SGCD: variants seen among roughly 807,000 people sequenced by gnomAD.
SGCD encodes sarcoglycan delta.
Under a neutral mutation model 36.6 loss-of-function variants are expected in SGCD, and 18 were observed. That is an observed-to-expected ratio of 0.49 (90% confidence interval 0.34 to 0.73). The LOEUF (loss-of-function observed/expected upper bound fraction) is 0.73. Among genes scored for constraint, SGCD ranks in the 30% least tolerant of loss-of-function variants. The pLI, the probability that SGCD is intolerant of heterozygous loss-of-function variation, is 0.01. For synonymous variants in SGCD, 133 were observed against 130.6 expected, an observed-to-expected ratio of 1.02 and a Z score of -0.12; for missense variants, 387 against 346.7, an observed-to-expected ratio of 1.12 and a Z score of -0.92.
intron 1 of SGCD, among the ~76,000 whole-genome samples, chr5:155,990,251 A>C (rs1197869942): frequency 1.3e-5 from 2 of 152,178 alleles, no homozygotes; most frequent in Non-Finnish European, 2.9e-5. Context: ...TTGTACAAAA[A>C]CATACCTGTT....
At chr5:156,223,214 T>G (rs924654615) in intron 3 of SGCD, among the ~76,000 whole-genome samples, 1 of 152,046 alleles carries the variant, frequency 6.6e-6, no homozygotes, top group Non-Finnish European at 1.5e-5. Flanking sequence ...CTCTTTGAAT[T>G]GAAAGTAGTG....
chr5:156,671,833 G>C (rs1288152623), intron 7 of SGCD, among the ~76,000 whole-genome samples: 1 of 152,158 alleles, frequency 6.6e-6, no homozygotes, highest in African/African-American at 2.4e-5. Flanking sequence ...TTCTTGTGAA[G>C]CCTCAGGAAG....
chr5:155,977,372 C>T (rs1401980305), intron 1 of SGCD, among the ~76,000 whole-genome samples: 1 of 152,202 alleles, frequency 6.6e-6, no homozygotes, highest in Non-Finnish European at 1.5e-5. Context: ...CAAGTTTAAA[C>T]AGTTAATTTT....
chr5:156,334,614 T>TTC (rs1554094049), intron 2 of SGCD, among the ~76,000 whole-genome samples: 2 of 147,576 alleles, frequency 1.4e-5, no homozygotes, highest in African/African-American at 5.2e-5. Context: ...ATTTTCTTTT[T>TTC]TTTTTTTTTT....
At chr5:156,303,717 T>G (rs1767121667) in intron 3 of SGCD, among the ~76,000 whole-genome samples, 1 of 151,478 alleles carries the variant, frequency 6.6e-6, no homozygotes. Context: ...GGAAGCAGCT[T>G]CCGTTATGGC....
intron 3 of SGCD, among the ~76,000 whole-genome samples, chr5:156,192,132 T>C (rs572509240): frequency 9.2e-5 from 14 of 152,276 alleles, no homozygotes; most frequent in Admixed American, 7.9e-4. Context: ...ATCGTGACGG[T>C]CTATATTTGG....
chr5:155,757,706 C>G, the SGCD span, among the ~76,000 whole-genome samples: 3 of 152,184 alleles, frequency 2.0e-5, no homozygotes, highest in African/African-American at 7.2e-5. Context: ...GAGTTCCTTC[C>G]ATGCTCTCAA....
chr5:156,303,242 T>A (rs1350190152), intron 3 of SGCD, among the ~76,000 whole-genome samples: 1 of 152,104 alleles, frequency 6.6e-6, no homozygotes, highest in Non-Finnish European at 1.5e-5. Context: ...GAGGAGTCCC[T>A]TCCCATGGCC....
intron 1 of SGCD, among the ~76,000 whole-genome samples, chr5:155,900,550 A>G (rs946059677): frequency 6.6e-5 from 10 of 151,154 alleles, no homozygotes; most frequent in African/African-American, 2.4e-4. Flanking sequence ...CATTAGGTAT[A>G]TCTCCCGATG....
chr5:155,880,815 C>T (rs1286723882), intron 1 of SGCD, among the ~76,000 whole-genome samples: 2 of 152,024 alleles, frequency 1.3e-5, no homozygotes, highest in African/African-American at 4.8e-5. Context: ...CCAGCTCATA[C>T]ATTTCCCTTG....
rs182493642 is a variant in SGCD at position 156,384,021 on chromosome 5, T to C, written c.192+39344T>C. On this transcript the variant is annotated intron_variant, in intron 3 of 8. Coordinates refer to ENST00000337851, the MANE Select transcript of SGCD (RefSeq NM_000337.6). Reference sequence around the variant, plus strand: ...GTCCAGGCTGTTTAAATTGTGTTCATGTATATTTATATGTATTTCGGTGTG... The same window carrying C: ...GTCCAGGCTGTTTAAATTGTGTTCACGTATATTTATATGTATTTCGGTGTG... 1.4e-3 allele frequency among the ~76,000 whole-genome samples: 206 copies of C among 152,312 alleles called. 1 individual carries two copies. The highest frequency in any genetic ancestry group is 6.8e-3 in the Admixed American group (104 of 15,298).
chr5:156,073,590 A>G lies in SGCD; in HGVS notation c.-281-44288A>G, dbSNP rs10475664. ...AAAGGTAAAATAAATATGTCACACT[A>G]TCTCATAAGATCTCTATTTTCTATT... On this transcript the variant is annotated intron_variant, in intron 1 of 9. Coordinates refer to the SGCD transcript ENST00000517913. Among the ~76,000 whole-genome samples, 351 of 152,302 alleles carry G rather than the reference A, an allele frequency of 2.3e-3. 3 individuals are homozygous for G. The highest frequency in any genetic ancestry group is 8.2e-3 in the African/African-American group (343 of 41,576).
At chr5:155,937,110 G>C (rs1253137658) in intron 1 of SGCD, among the ~76,000 whole-genome samples, 2 of 152,218 alleles carry the variant, frequency 1.3e-5, no homozygotes, top group Non-Finnish European at 2.9e-5. Flanking sequence ...CAGGTCTGCA[G>C]CCATGACTTG....
the SGCD span, among the ~76,000 whole-genome samples, chr5:155,775,544 C>T: frequency 6.6e-6 from 1 of 152,106 alleles, no homozygotes; most frequent in Non-Finnish European, 1.5e-5. Context: ...CTACTGCACT[C>T]TTTGCTGAAT....
intron 7 of SGCD, among the ~76,000 whole-genome samples, chr5:156,701,498 T>C (rs1754527566): frequency 6.6e-6 from 1 of 152,218 alleles, no homozygotes; most frequent in South Asian, 2.1e-4. Context: ...ATGCTTTTTG[T>C]GTTTCAGTCA....
rs552248069 is a variant in SGCD, at chr5:156,464,515, C to T, written c.193-44086C>T. On this transcript the variant is annotated intron_variant, in intron 3 of 8. Coordinates refer to ENST00000337851, the MANE Select transcript of SGCD (RefSeq NM_000337.6). Reference sequence around the variant, plus strand: ...GATTGCAGGTGTGAGCCACCATGCCCGGCCTTGAATCTACGTTCTTAGGCA... The same window carrying T: ...GATTGCAGGTGTGAGCCACCATGCCTGGCCTTGAATCTACGTTCTTAGGCA... Among the ~76,000 whole-genome samples the T allele has an allele frequency of 4.0e-3, 611 of 152,216 alleles. 1 individual carries two copies. Among genetic ancestry groups the T allele is most frequent in the South Asian group, 0.017 (83 of 4,808 alleles).
intron 6 of SGCD, among the ~76,000 whole-genome samples, chr5:156,619,233 A>C (rs921241320): frequency 2.0e-5 from 3 of 152,054 alleles, no homozygotes; most frequent in East Asian, 1.9e-4. Context: ...CACCGTGTTA[A>C]CCAGGATGGT....
In SGCD at chr5:156,652,247, A is replaced by G. The variant is rs1459811497; in HGVS notation, c.575+4711A>G. ...TGTAATCCCAATGTTTTGGGAGGCC[A>G]AGGCTGGAGGATCACTTGAGCCCAG... On this transcript the variant is annotated intron_variant, in intron 7 of 8. Coordinates refer to ENST00000337851, the MANE Select transcript of SGCD (RefSeq NM_000337.6). Among the ~76,000 whole-genome samples the G allele has an allele frequency of 2.2e-4, 33 of 152,126 alleles. 1 individual carries two copies. The highest frequency in any genetic ancestry group is 1.6e-3 in the Admixed American group (24 of 15,250).
chr5:156,425,505 G>C (rs532030265), intron 3 of SGCD, among the ~76,000 whole-genome samples: 1 of 152,122 alleles, frequency 6.6e-6, no homozygotes, highest in East Asian at 1.9e-4. Flanking sequence ...AGAGGGTTTG[G>C]TTATTGCTAC....
Sources: gnomAD v4.1 joint callset for allele counts (sites outside exome capture counted in the v4.1 genomes callset) on GRCh38, gnomAD v4.1.1 for gene constraint, MANE v1.5 for transcripts, NCBI Gene and HGNC (gene_info 2026-07-23, HGNC 2026-07-21) for gene names.